Variants in ZNF519 observed in about 807,000 individuals in gnomAD.
ZNF519 encodes similar to Zinc finger protein 85 (Zinc finger protein HPF4) (HTF1).
A neutral mutation model predicts 7.4 loss-of-function variants in ZNF519; 7 were observed. The ratio of observed to expected loss-of-function variants is 0.94; its 90% CI spans 0.54 to 1.77. ZNF519 has a LOEUF of 1.77. ZNF519 is among the 40% of genes most tolerant of loss of function. ZNF519 has a pLI of 0.00. For synonymous variants in ZNF519, 179 were observed against 203.3 expected (o/e 0.88, Z 1.02); for missense variants, 586 against 623.1 (o/e 0.94, Z 0.63).
chr18:14,123,638 C>T (rs949287025), intron 2 of ZNF519, among the ~76,000 whole-genome samples: 1 of 152,062 alleles, frequency 6.6e-6, no homozygotes, highest in African/African-American at 2.4e-5. Context: ...AGTGCTTGAA[C>T]CCAGAAGGCA....
At chr18:14,115,613 C>T (rs2046242800) in intron 2 of ZNF519, among the ~76,000 whole-genome samples, 1 of 152,082 alleles carries the variant, frequency 6.6e-6, no homozygotes, top group Non-Finnish European at 1.5e-5. Context: ...GAAGAGTAAT[C>T]TGCACATCCA....
intron 3 of ZNF519, among the ~76,000 whole-genome samples, chr18:14,083,357 A>G (rs541078633): frequency 3.3e-5 from 5 of 152,254 alleles, no homozygotes; most frequent in African/African-American, 1.2e-4. Flanking sequence ...CTCAAAAACA[A>G]AACAAAAAAA....
downstream of ZNF519, among the ~76,000 whole-genome samples, chr18:14,099,585 A>T (rs750297075): frequency 6.6e-6 from 1 of 152,228 alleles, no homozygotes; most frequent in Admixed American, 6.5e-5. Flanking sequence ...TGAATATTAA[A>T]TATACAAGAG....
chr18:14,078,858 T>A (rs774714527), intron 3 of ZNF519, among the ~76,000 whole-genome samples: 1 of 152,160 alleles, frequency 6.6e-6, no homozygotes, highest in Non-Finnish European at 1.5e-5. Context: ...AGCTAATAGA[T>A]GTTCTATGTG....
chr18:14,086,696 A>G (rs1445315190), intron 2 of ZNF519, among the ~76,000 whole-genome samples: 3 of 152,044 alleles, frequency 2.0e-5, no homozygotes, highest in Non-Finnish European at 4.4e-5. Flanking sequence ...GATGAAATAC[A>G]CTCTGTAAGC....
At chr18:14,071,146 C>T (rs999832816), downstream of ZNF519, 3 of 151,346 alleles carry the variant, frequency 2.0e-5, no homozygotes, top group Non-Finnish European at 4.4e-5. Context: ...TGAGAGGATT[C>T]TTTATTTAAT....
In ZNF519 at chr18:14,101,515, A is replaced by G. The variant is rs2046161058; in HGVS notation, c.*3402T>C. 7.6e-6 allele frequency: 3 copies of G among 396,548 alleles called. No homozygotes were observed. The highest frequency in any genetic ancestry group is 8.9e-6 in the Non-Finnish European group (2 of 225,376). 24.6% of individuals were successfully genotyped at this position (396,548 alleles called of 1,614,324 possible). A position where few individuals can be genotyped will look rare whatever the true frequency, so the allele number is the denominator to read the frequency against. ...GGGGTGAAATGGTGGGGCTGAAGGA[A>G]GGAAACAGACTCAGGGTCCCTTGGA... On this transcript the variant is annotated 3_prime_UTR_variant, in exon 3 of 3. Transcript: ENST00000590202.
chr18:14,113,176 T>C (rs1465191690), intron 2 of ZNF519, among the ~76,000 whole-genome samples: 1 of 152,286 alleles, frequency 6.6e-6, no homozygotes, highest in South Asian at 2.1e-4. Flanking sequence ...CAATGCTGTG[T>C]GAAAGGAAAA....
At chr18:14,117,399 C>T (rs1158103317) in intron 2 of ZNF519, among the ~76,000 whole-genome samples, 1 of 151,996 alleles carries the variant, frequency 6.6e-6, no homozygotes, top group Non-Finnish European at 1.5e-5. Flanking sequence ...TTAGGATGGC[C>T]AATATCAAGC....
intron 2 of ZNF519, among the ~76,000 whole-genome samples, chr18:14,117,279 T>A (rs1240218844): frequency 6.6e-6 from 1 of 152,136 alleles, no homozygotes; most frequent in East Asian, 1.9e-4. Flanking sequence ...GGACAAGAGA[T>A]TAAAATGTTT....
intron 1 of ZNF519, among the ~76,000 whole-genome samples, chr18:14,125,975 C>T (rs1238258115): frequency 2.6e-5 from 4 of 152,160 alleles, no homozygotes; most frequent in Non-Finnish European, 4.4e-5. Context: ...CATGAGCCAC[C>T]GCACCCGGCC....
intron 2 of ZNF519, among the ~76,000 whole-genome samples, chr18:14,115,288 T>C (rs980619167): frequency 6.6e-6 from 1 of 152,214 alleles, no homozygotes; most frequent in African/African-American, 2.4e-5. Flanking sequence ...ACATCTCTGG[T>C]TTCCGAGGGG....
intron 2 of ZNF519, among the ~76,000 whole-genome samples, chr18:14,114,035 T>C (rs887596595): frequency 6.6e-6 from 1 of 152,200 alleles, no homozygotes; most frequent in African/African-American, 2.4e-5. Context: ...AATCTGGTTA[T>C]CAATTTTTTT....
At position 14,105,680 on chromosome 18, in the gene ZNF519, G is replaced by C; in HGVS notation, c.860C>G (p.Thr287Ser). The C allele has an allele frequency of 1.2e-6, 2 of 1,613,574 alleles. No individual in the cohort carries two copies. The highest frequency in any genetic ancestry group is 1.7e-6 in the Non-Finnish European group (2 of 1,179,928). Residue 287 changes from threonine (T) to serine (S), a missense_variant, in exon 3 of 3, where the codon ACT becomes AGT. By Grantham distance (58) the Thr-to-Ser change is moderately conservative. Transcript: ENST00000590202. ...TTTACATTTGTAAGGTTTCTCTCCA[G>C]TATGAATTTTCTGATGTCCAAGATG... Reference protein sequence around the residue: ...GLHLGHQKIHTGEKPYKCKKC... With the variant: ...GLHLGHQKIHSGEKPYKCKKC...
At chr18:14,086,598 C>T (rs1355688594) in intron 2 of ZNF519, among the ~76,000 whole-genome samples, 2 of 152,186 alleles carry the variant, frequency 1.3e-5, no homozygotes, top group African/African-American at 2.4e-5. Context: ...CTGGGCACAG[C>T]CCTGCAGTGC....
downstream of ZNF519, among the ~76,000 whole-genome samples, chr18:14,099,208 G>C (rs2046149562): frequency 6.6e-6 from 1 of 151,930 alleles, no homozygotes; most frequent in Non-Finnish European, 1.5e-5. Context: ...GACCTGCCTG[G>C]AGTAACAGCC....
chr18:14,129,337 T>G (rs1202652323), intron 1 of ZNF519, among the ~76,000 whole-genome samples: 6 of 152,108 alleles, frequency 3.9e-5, no homozygotes, highest in Non-Finnish European at 8.8e-5. Flanking sequence ...GGTAAAACTT[T>G]GTCGTGGGAG....
At position 14,128,239 on chromosome 18, in the gene ZNF519, G is replaced by A. The variant is rs1398546627; in HGVS notation, c.4-3763C>T. On this transcript the variant is annotated intron_variant, in intron 1 of 2. Transcript: ENST00000590202. The stretch of plus-strand genomic sequence containing the variant: ...ACCTGGGAGGCAGAGCTTGCAGTGC[G>A]CCGAGATCGCACCACTGCACTCCAG... Among the ~76,000 whole-genome samples the A allele has an allele frequency of 2.6e-5, 4 of 152,158 alleles. No homozygotes were observed. The East Asian group carries it at 5.8e-4, about 22-fold the overall frequency.
chr18:14,084,165 G>C (rs1400142003), intron 3 of ZNF519: 1 of 152,234 alleles, frequency 6.6e-6, no homozygotes, highest in Non-Finnish European at 1.5e-5. Flanking sequence ...GCAGGGAGAA[G>C]ACAGAACAAT....
Sources: allele counts gnomAD v4.1 joint callset (sites outside exome capture counted in the v4.1 genomes callset), GRCh38; gene constraint gnomAD v4.1.1; transcripts MANE v1.5; gene names NCBI Gene and HGNC (gene_info 2026-07-23, HGNC 2026-07-21).